Variants in ZNF503 observed in about 807,000 individuals in gnomAD.
ZNF503 encodes the protein zinc finger protein 503.
In ZNF503, 15 loss-of-function variants were observed where a neutral mutation model predicts 34.4. That is an observed-to-expected ratio of 0.44 (90% CI 0.29 to 0.67). The LOEUF (loss-of-function observed/expected upper bound fraction) is 0.67. ZNF503 is among the 30% of genes least tolerant of loss of function. ZNF503 has a pLI of 0.13. For synonymous variants in ZNF503, 580 were observed against 456.8 expected (o/e 1.27, Z -3.44); for missense variants, 1,007 against 926.8 (o/e 1.09, Z -1.12).
At chr10:75,365,251 C>T in the ZNF503 span, among the ~76,000 whole-genome samples, 1 of 152,214 alleles carries the variant, frequency 6.6e-6, no homozygotes, top group Non-Finnish European at 1.5e-5. Context: ...CGAGTTCAAG[C>T]AATTCTCTGC....
the ZNF503 span, among the ~76,000 whole-genome samples, chr10:75,293,228 A>G: frequency 1.3e-5 from 2 of 152,194 alleles, no homozygotes; most frequent in East Asian, 3.9e-4. Flanking sequence ...ACAGCAAAGC[A>G]TGGCACCATC....
chr10:75,294,153 T>C, the ZNF503 span, among the ~76,000 whole-genome samples: 2 of 152,196 alleles, frequency 1.3e-5, no homozygotes, highest in African/African-American at 4.8e-5. Flanking sequence ...TGAGAGTCCA[T>C]CCCACATGCC....
rs1399288187 is a variant in ZNF503, at chr10:75,401,437, G to A, written c.-18C>T. 3.9e-6 allele frequency: 6 copies of A among 1,527,874 alleles called. 1 individual carries two copies. The African/African-American group carries it at 5.6e-5, about 14-fold the overall frequency. 94.6% of individuals were successfully genotyped at this position (1,527,874 alleles called of 1,614,324 possible). On this transcript the variant is annotated 5_prime_UTR_variant, in exon 1 of 2. Coordinates refer to ENST00000372524, the MANE Select transcript of ZNF503 (RefSeq NM_032772.6). ...GTGCTCATGACCCACCCGCGCGCAT[G>A]GGAGCAGCGGGGGGGAGGGCTCCGG...
At chr10:75,295,002 C>T in the ZNF503 span, among the ~76,000 whole-genome samples, 9 of 152,262 alleles carry the variant, frequency 5.9e-5, no homozygotes, top group Middle Eastern at 3.4e-3. This position sits in a 1 kb window ranked among gnomAD's most constrained non-coding sequence, Gnocchi z 4.0. Flanking sequence ...CAAAGGCCTA[C>T]GGGTCATTCA....
the ZNF503 span, among the ~76,000 whole-genome samples, chr10:75,294,567 C>T: frequency 2.6e-5 from 4 of 152,232 alleles, no homozygotes; most frequent in Non-Finnish European, 4.4e-5. Context: ...GGCATCTCTT[C>T]ACTGTTCAGG....
the ZNF503 span, among the ~76,000 whole-genome samples, chr10:75,380,125 T>C: frequency 2.0e-5 from 3 of 152,106 alleles, no homozygotes; most frequent in Admixed American, 1.3e-4. Context: ...CTTCAGTGCA[T>C]GAGGGAGAGG....
the ZNF503 span, among the ~76,000 whole-genome samples, chr10:75,286,253 C>G: frequency 6.7e-6 from 1 of 149,430 alleles, no homozygotes; most frequent in African/African-American, 2.5e-5. Context: ...CCACTGCACT[C>G]CAGCCTGGGA....
chr10:75,360,190 C>T, the ZNF503 span, among the ~76,000 whole-genome samples: 64 of 149,230 alleles, frequency 4.3e-4, no homozygotes, highest in East Asian at 2.6e-3. Flanking sequence ...GCTCGATCTC[C>T]GCTCACTGCA....
At chr10:75,286,680 G>A in the ZNF503 span, among the ~76,000 whole-genome samples, 3 of 152,190 alleles carry the variant, frequency 2.0e-5, no homozygotes, top group Non-Finnish European at 4.4e-5. Context: ...TGGTGCATGA[G>A]AAGCCCCCAG....
chr10:75,338,902 C>G, the ZNF503 span, among the ~76,000 whole-genome samples: 2 of 152,186 alleles, frequency 1.3e-5, no homozygotes, highest in Admixed American at 1.3e-4. Context: ...TCCCAAGTCA[C>G]TCTCGCTCTT....
downstream of ZNF503, among the ~76,000 whole-genome samples, chr10:75,393,802 T>C (rs2131982066): frequency 6.6e-6 from 1 of 151,908 alleles, no homozygotes; most frequent in South Asian, 2.1e-4. Context: ...GAGGTTGCAA[T>C]GAGCTGAGAT....
the ZNF503 span, among the ~76,000 whole-genome samples, chr10:75,337,149 C>T: frequency 2.6e-5 from 4 of 151,808 alleles, no homozygotes; most frequent in African/African-American, 7.3e-5. Context: ...CATGGTGAAA[C>T]CCCATCTCTA....
the ZNF503 span, among the ~76,000 whole-genome samples, chr10:75,352,165 T>G: frequency 6.6e-6 from 1 of 152,190 alleles, no homozygotes; most frequent in Non-Finnish European, 1.5e-5. Context: ...TTGGGGCACA[T>G]TTGGAGCCCC....
the ZNF503 span, among the ~76,000 whole-genome samples, chr10:75,332,902 G>A: frequency 2.8e-5 from 4 of 142,446 alleles, no homozygotes; most frequent in African/African-American, 2.7e-5. Flanking sequence ...GCAACCATCC[G>A]AATTCTCAAT....
downstream of ZNF503, among the ~76,000 whole-genome samples, chr10:75,396,632 G>A (rs986308978): frequency 7.9e-5 from 12 of 152,192 alleles, no homozygotes; most frequent in African/African-American, 2.2e-4. The surrounding 1 kb of genome is among the most constrained non-coding windows in gnomAD (Gnocchi z 4.4). Context: ...GGGTACCTGA[G>A]CGCCGAGGGG....
chr10:75,398,592 C>T lies in ZNF503; in HGVS notation c.*157G>A, dbSNP rs1034315808. The stretch of plus-strand genomic sequence containing the variant: ...GTGTCCCACCGGGTCTCGGTCGCTG[C>T]TGTCGGGTAGATAGATACGGTATAC... On this transcript the variant is annotated 3_prime_UTR_variant, in exon 2 of 2. Transcript: ENST00000372524. The T allele has an allele frequency of 6.7e-6, 4 of 597,196 alleles. No homozygotes were observed. The African/African-American group carries it at 7.6e-5, about 11-fold the overall frequency. 37.0% of individuals were successfully genotyped at this position (597,196 alleles called of 1,614,324 possible).
At chr10:75,385,171 A>G in the ZNF503 span, among the ~76,000 whole-genome samples, 6 of 152,184 alleles carry the variant, frequency 3.9e-5, no homozygotes, top group Non-Finnish European at 8.8e-5. Context: ...GCTGAGAAAC[A>G]GAAACATGGA....
chr10:75,334,777 T>A, the ZNF503 span, among the ~76,000 whole-genome samples: 2 of 152,194 alleles, frequency 1.3e-5, no homozygotes, highest in Non-Finnish European at 2.9e-5. Context: ...TAACCCTGAG[T>A]CCCAGGAGAC....
At chr10:75,280,555 C>CATGTGTGT in the ZNF503 span, among the ~76,000 whole-genome samples, 6 of 146,516 alleles carry the variant, frequency 4.1e-5, no homozygotes, top group South Asian at 2.2e-4. Flanking sequence ...GGTGTGTATG[C>CATGTGTGT]GTGTGTGTGT....
Sources: allele counts gnomAD v4.1 joint callset (sites outside exome capture counted in the v4.1 genomes callset), GRCh38; gene constraint gnomAD v4.1.1; non-coding constraint Gnocchi (gnomAD v3.1); transcripts MANE v1.5; gene names NCBI Gene and HGNC (gene_info 2026-07-23, HGNC 2026-07-21).